Variants in GTF2IRD2B observed in about 807,000 individuals in gnomAD.
GTF2IRD2B encodes the protein GTF2I repeat domain containing 2B.
GTF2IRD2B carries 10 observed loss-of-function variants against 55.6 expected under a neutral mutation model. The observed-to-expected ratio is 0.18, with a 90% CI of 0.11 to 0.31. The LOEUF is 0.31. Among genes scored for constraint, GTF2IRD2B ranks in the 10% least tolerant of loss-of-function variants. GTF2IRD2B has a pLI of 1.00. For synonymous variants in GTF2IRD2B, 107 were observed against 320.5 expected (o/e 0.33, Z 7.12); for missense variants, 206 against 802.7 (o/e 0.26, Z 8.98).
intron 3 of GTF2IRD2B, among the ~76,000 whole-genome samples, chr7:75,118,422 C>T (rs1350782780): frequency 2.0e-5 from 3 of 151,428 alleles, no homozygotes; most frequent in African/African-American, 4.9e-5. Context: ...TCCAGTGGGC[C>T]GTGACCAAAT....
intron 3 of GTF2IRD2B, chr7:75,112,801 T>C: frequency 2.5e-6 from 1 of 403,744 alleles, no homozygotes; most frequent in Admixed American, 4.8e-5. Flanking sequence ...CTTTAATTCC[T>C]AAAATAAACA....
At chr7:75,103,357 C>T (rs1475475258) in intron 1 of GTF2IRD2B, among the ~76,000 whole-genome samples, 2 of 151,178 alleles carry the variant, frequency 1.3e-5, no homozygotes, top group Non-Finnish European at 3.0e-5. Flanking sequence ...GAGTACAGCC[C>T]GTGGTTCTCC....
intron 3 of GTF2IRD2B, among the ~76,000 whole-genome samples, chr7:75,115,724 C>T (rs181129514): frequency 6.7e-5 from 10 of 150,066 alleles, no homozygotes; most frequent in South Asian, 2.1e-4. Flanking sequence ...TGAGCCACCG[C>T]GCCCAGCCCC....
At chr7:75,105,767 C>T (rs1418868929) in intron 1 of GTF2IRD2B, among the ~76,000 whole-genome samples, 1 of 152,308 alleles carries the variant, frequency 6.6e-6, no homozygotes, top group Non-Finnish European at 1.5e-5. Context: ...CTAGGGTGTG[C>T]TGGGTTGCAA....
intron 3 of GTF2IRD2B, among the ~76,000 whole-genome samples, chr7:75,114,795 C>CGTTTTT (rs1808087306): frequency 6.7e-6 from 1 of 149,150 alleles, no homozygotes; most frequent in African/African-American, 2.5e-5. Flanking sequence ...GCAGGTTTTT[C>CGTTTTT]GTTTTTGTTT....
At chr7:75,118,409 C>T (rs1808248236) in intron 3 of GTF2IRD2B, among the ~76,000 whole-genome samples, 1 of 151,458 alleles carries the variant, frequency 6.6e-6, no homozygotes, top group African/African-American at 2.4e-5. Flanking sequence ...GGCTTCCCCA[C>T]TATCCAGTGG....
At chr7:75,118,156 C>G (rs1365605611) in intron 3 of GTF2IRD2B, among the ~76,000 whole-genome samples, 2 of 151,934 alleles carry the variant, frequency 1.3e-5, no homozygotes, top group Non-Finnish European at 2.9e-5. Flanking sequence ...TCAGTGGCAC[C>G]ATACCCACAG....
chr7:75,096,515 C>T (rs1379193729), intron 1 of GTF2IRD2B, among the ~76,000 whole-genome samples: 2 of 94,534 alleles, frequency 2.1e-5, no homozygotes, highest in Non-Finnish European at 4.1e-5. Flanking sequence ...CTCCGCCTCC[C>T]GGGTTCAAGC....
intron 6 of GTF2IRD2B, chr7:75,123,813 G>A (rs1808463751): frequency 2.4e-6 from 1 of 410,420 alleles, no homozygotes; most frequent in Admixed American, 3.6e-5. Context: ...GGGAGGTGGA[G>A]CTTGCAGTGA....
chr7:75,105,635 G>A (rs1563090752), intron 1 of GTF2IRD2B, among the ~76,000 whole-genome samples: 2 of 152,308 alleles, frequency 1.3e-5, no homozygotes, highest in African/African-American at 4.8e-5. Flanking sequence ...TACTGGTTCA[G>A]CATAGCTAAT....
rs1278034295 is a variant in GTF2IRD2B at position 75,136,771 on chromosome 7, AT to A, written c.806-5del. 142 of 446,362 alleles carry A rather than the reference AT, an allele frequency of 3.2e-4. No individual in the cohort carries two copies. The highest frequency in any genetic ancestry group is 3.7e-4 in the East Asian group (11 of 29,422). The allele number at this position is 446,362 out of a possible 1,614,324, so 27.7% of individuals were successfully genotyped here. A position where few individuals can be genotyped will look rare whatever the true frequency, so the allele number is the denominator to read the frequency against. On this transcript the variant is annotated splice_polypyrimidine_tract_variant and intron_variant, in intron 10 of 15. Transcript: ENST00000472837. ...CTTAATAATGAATGTCATTTTAGAC[AT>A]TTTTTTTTCAAGATTCCACTCCGCT...
intron 12 of GTF2IRD2B, among the ~76,000 whole-genome samples, chr7:75,139,891 C>CA (rs202095906): frequency 5.5e-5 from 6 of 108,772 alleles, no homozygotes; most frequent in Non-Finnish European, 5.4e-5. Context: ...AAAATAAAAG[C>CA]AAAAAAAAAA....
intron 1 of GTF2IRD2B, among the ~76,000 whole-genome samples, chr7:75,099,930 T>C: frequency 8.1e-6 from 1 of 123,118 alleles, no homozygotes; most frequent in East Asian, 2.1e-4. Flanking sequence ...CTGACCAATA[T>C]GGGGAAACCT....
chr7:75,103,210 T>G (rs1350146089), intron 1 of GTF2IRD2B, among the ~76,000 whole-genome samples: 1 of 151,202 alleles, frequency 6.6e-6, no homozygotes, highest in Non-Finnish European at 1.5e-5. Flanking sequence ...ACCTGGGAGG[T>G]AGAGGTTGCA....
At chr7:75,114,782 G>A (rs1808086507) in intron 3 of GTF2IRD2B, among the ~76,000 whole-genome samples, 1 of 149,712 alleles carries the variant, frequency 6.7e-6, no homozygotes, top group Non-Finnish European at 1.5e-5. Context: ...CTTTTTTATG[G>A]CCGCAGGTTT....
chr7:75,105,047 G>A (rs1286480061), intron 1 of GTF2IRD2B, among the ~76,000 whole-genome samples: 8 of 152,320 alleles, frequency 5.3e-5, no homozygotes, highest in East Asian at 1.9e-4. Flanking sequence ...AAATGCAAAA[G>A]TTAGCCAGGT....
intron 3 of GTF2IRD2B, among the ~76,000 whole-genome samples, chr7:75,115,493 G>A (rs1808116543): frequency 7.0e-6 from 1 of 142,726 alleles, no homozygotes; most frequent in African/African-American, 2.6e-5. Flanking sequence ...GAGAGATCTT[G>A]GCTGACCACA....
In GTF2IRD2B at chr7:75,127,563, A is replaced by G. The variant is rs587605685; in HGVS notation, c.670+1178A>G. ...GGGACTAAGATGTTATTAAATACAC[A>G]TACTTTTGGACAGAATATTATTTTA... On this transcript the variant is annotated intron_variant, in intron 8 of 15. Coordinates refer to ENST00000472837, the MANE Select transcript of GTF2IRD2B (RefSeq NM_001003795.3). Among the ~76,000 whole-genome samples the G allele has an allele frequency of 1.6e-4, 24 of 149,344 alleles. 1 individual carries two copies. Among genetic ancestry groups the G allele is most frequent in the African/African-American group, 5.1e-4 (21 of 41,036 alleles).
At chr7:75,120,181 T>TA (rs1808321547) in intron 3 of GTF2IRD2B, among the ~76,000 whole-genome samples, 1 of 21,144 alleles carries the variant, frequency 4.7e-5, no homozygotes, top group African/African-American at 1.3e-4. Context: ...CTTACATTGA[T>TA]ACAAAAAAAA....
Sources: allele counts gnomAD v4.1 joint callset (sites outside exome capture counted in the v4.1 genomes callset), GRCh38; gene constraint gnomAD v4.1.1; transcripts MANE v1.5; gene names NCBI Gene and HGNC (gene_info 2026-07-23, HGNC 2026-07-21).